INTS2: variants seen among roughly 807,000 people sequenced by gnomAD.
The protein encoded by INTS2 is KIAA1287.
In INTS2, 57 loss-of-function variants were observed where a neutral mutation model predicts 139.6. The ratio of observed to expected loss-of-function variants is 0.41; its 90% confidence interval spans 0.33 to 0.51. The LOEUF is 0.51. INTS2 is among the 20% of genes least tolerant of loss of function. The pLI is 0.28. For synonymous variants in INTS2, 473 were observed against 493.4 expected (o/e 0.96, Z 0.55); for missense variants, 1,196 against 1,436.7 (o/e 0.83, Z 2.71).
At chr17:61,881,946 AAGG>A (rs1354113415) in intron 16 of INTS2, among the ~76,000 whole-genome samples, 1 of 152,192 alleles carries the variant, frequency 6.6e-6, no homozygotes, top group Non-Finnish European at 1.5e-5. Flanking sequence ...GAGGAAAGAA[AAGG>A]AGGAGAAAAG....
chr17:61,914,157 G>A (rs554304850), intron 5 of INTS2, among the ~76,000 whole-genome samples: 2 of 151,460 alleles, frequency 1.3e-5, no homozygotes, highest in South Asian at 4.2e-4. Context: ...TTAAGATATG[G>A]ACAGATTAAA....
chr17:61,923,392 G>T (rs2079670423), intron 3 of INTS2, among the ~76,000 whole-genome samples: 1 of 149,028 alleles, frequency 6.7e-6, no homozygotes, highest in Non-Finnish European at 1.5e-5. Flanking sequence ...CAGGAGAATG[G>T]TGTGAACCCG....
At chr17:61,877,211 G>A (rs547302677) in intron 18 of INTS2, among the ~76,000 whole-genome samples, 3 of 152,052 alleles carry the variant, frequency 2.0e-5, no homozygotes, top group Non-Finnish European at 2.9e-5. Context: ...AGATATATGG[G>A]GAGGATATAA....
intron 7 of INTS2, among the ~76,000 whole-genome samples, chr17:61,908,988 A>G (rs551179250): frequency 1.4e-4 from 22 of 152,212 alleles, no homozygotes; most frequent in Non-Finnish European, 3.1e-4. Flanking sequence ...CTCTATTCAC[A>G]TAGTTAATAT....
intron 14 of INTS2, 22 bp downstream of exon 14, chr17:61,891,491 T>C (rs777857795): frequency 8.4e-6 from 13 of 1,555,390 alleles, no homozygotes; most frequent in Non-Finnish European, 1.1e-5. Flanking sequence ...AGTTAATAGA[T>C]ATAAAAGAAC....
At chr17:61,926,289 A>G in intron 2 of INTS2, 63 bp downstream of exon 2, 3 of 1,359,558 alleles carry the variant, frequency 2.2e-6, no homozygotes, top group African/African-American at 2.9e-5. Context: ...AGAGCTCTAA[A>G]AAATATCTGA....
rs540094949 is a variant in INTS2, at chr17:61,868,905, G to A, written c.3244+129C>T. 23 of 588,360 alleles carry A rather than the reference G, an allele frequency of 3.9e-5. No individual in the cohort carries two copies. In the South Asian group the frequency reaches 5.4e-4, roughly 14 times the overall value. The allele number at this position is 588,360 out of a possible 1,614,324, so 36.4% of individuals were successfully genotyped here. ...TCAAAAGACGGCATAAGTTAAACTA[G>A]TATTTAACACATATTGTATCATACT... is the stretch of plus-strand genomic sequence containing the variant. On this transcript the variant is annotated intron_variant, in intron 23 of 24. Transcript: ENST00000251334. The surrounding 1 kb of genome is among the most constrained non-coding windows in gnomAD (Gnocchi z 4.7).
At chr17:61,925,178 A>G (rs1312391288) in intron 2 of INTS2, 79 bp from the exon 3 acceptor site, 6 of 1,296,932 alleles carry the variant, frequency 4.6e-6, no homozygotes, top group Non-Finnish European at 6.5e-6. Context: ...TTTTATTGAA[A>G]TAAGCTATAA....
chr17:61,889,851 T>C lies in INTS2; in HGVS notation c.1919A>G (p.Gln640Arg). The C allele has an allele frequency of 4.3e-6, 7 of 1,612,430 alleles. No homozygotes were observed. The highest frequency in any genetic ancestry group is 5.1e-6 in the Non-Finnish European group (6 of 1,178,906). Residue 640 changes from glutamine (Q) to arginine (R), a missense_variant, in exon 15 of 25, where the codon CAG becomes CGG. Transcript: ENST00000251334. ...RLNQRFSITAQLLVLYYILSY... is the reference protein window; with the variant it reads ...RLNQRFSITARLLVLYYILSY... ...CAGTATATAGTAGAGCACCAAAAGC[T>C]GTGCTGTGATACTGAAACGCTGATT...
Position 61,881,083 on chromosome 17 carries a change from T to G in INTS2, c.2178A>C (p.Thr726=). The G allele has an allele frequency of 6.2e-7, 1 of 1,613,548 alleles. No individual in the cohort carries two copies. Among genetic ancestry groups the G allele is most frequent in the Non-Finnish European group, 8.5e-7 (1 of 1,179,450 alleles). ...TTCGCCGTAGCAGGGCATCAGTCCC[T>G]GTGATTTCTTCTTCACAAATCCAGT... ...VDDWICEEEI[T]GTDALLRRML... The change falls in exon 17 of 25, where the codon ACA becomes ACC. Residue 726 remains threonine (T), a synonymous_variant. Coordinates refer to ENST00000251334, the MANE Select transcript of INTS2 (RefSeq NM_001351695.2).
rs374970514 is a variant in INTS2 at position 61,927,951 on chromosome 17, C to T, written c.-316G>A. 2 of 1,613,782 alleles carry T rather than the reference C, an allele frequency of 1.2e-6. No individual in the cohort carries two copies. Among genetic ancestry groups the T allele is most frequent in the Non-Finnish European group, 1.7e-6 (2 of 1,179,874 alleles). ...ACCCAGCACCTTCATTCATCCCCAG[C>T]GTCTGACTCCCGTCGGCCACCGTAC... is the stretch of plus-strand genomic sequence containing the variant. On this transcript the variant is annotated 5_prime_UTR_variant, in exon 1 of 25. Transcript: ENST00000251334.
At chr17:61,891,397 T>G in intron 14 of INTS2, 116 bp downstream of exon 14, 1 of 786,802 alleles carries the variant, frequency 1.3e-6, no homozygotes, top group South Asian at 1.7e-5. Flanking sequence ...AAATTTAATC[T>G]AATTTTAAAT....
rs1281099561 is a variant in INTS2, at chr17:61,909,414, T to G, written c.955-1780A>C. Among the ~76,000 whole-genome samples the G allele has an allele frequency of 6.6e-6, 1 of 152,206 alleles. No individual in the cohort carries two copies. The highest frequency in any genetic ancestry group is 2.4e-5 in the African/African-American group (1 of 41,466). ...GTAAGCCACCCCACCCAGCCCTTACTTCTTATTTTTATAGATTTAGGGGGT... is the reference window on the plus strand; with the variant it reads ...GTAAGCCACCCCACCCAGCCCTTACGTCTTATTTTTATAGATTTAGGGGGT... On this transcript the variant is annotated intron_variant, in intron 7 of 24. Transcript: ENST00000251334. This position sits in a 1 kb window ranked among gnomAD's most constrained non-coding sequence, Gnocchi z 4.9.
intron 17 of INTS2, among the ~76,000 whole-genome samples, chr17:61,878,454 C>T (rs2079145567): frequency 6.6e-6 from 1 of 151,934 alleles, no homozygotes. Flanking sequence ...ATCCCAGCTA[C>T]TTAGGAGACT....
At chr17:61,895,449 C>A in intron 11 of INTS2, 66 bp from the exon 12 acceptor site, 1 of 958,356 alleles carries the variant, frequency 1.0e-6, no homozygotes, top group Non-Finnish European at 1.6e-6. Context: ...TTCTAGGGAA[C>A]TTATCTAAAA....
In INTS2 at chr17:61,871,692, G is replaced by C. The variant is rs919196608; in HGVS notation, c.2778+573C>G. ...CTCATGCCTGTAATCCCAGCACTTT[G>C]GGAAGCTGAGGTGGGTGGATCACCT... On this transcript the variant is annotated intron_variant, in intron 20 of 24. Coordinates refer to ENST00000251334, the MANE Select transcript of INTS2 (RefSeq NM_001351695.2). The surrounding 1 kb of genome is among the most constrained non-coding windows in gnomAD (Gnocchi z 4.9). Among the ~76,000 whole-genome samples the C allele has an allele frequency of 2.0e-5, 3 of 152,036 alleles. No individual in the cohort carries two copies. The highest frequency in any genetic ancestry group is 7.2e-5 in the African/African-American group (3 of 41,406).
intron 15 of INTS2, among the ~76,000 whole-genome samples, chr17:61,886,209 C>T (rs926795684): frequency 2.6e-5 from 4 of 152,130 alleles, no homozygotes; most frequent in Non-Finnish European, 2.9e-5. Context: ...CGCCACCACG[C>T]CTAGCTAATG....
At position 61,891,547 on chromosome 17, in the gene INTS2, T is replaced by A. The variant is rs764531487; in HGVS notation, c.1841A>T (p.Gln614Leu). The change falls in exon 14 of 25, where the codon CAG (glutamine) becomes CTG (leucine). Residue 614 changes from glutamine to leucine, a missense_variant. Transcript: ENST00000251334. The stretch of plus-strand genomic sequence containing the variant: ...TCCTTGGAAAATATTGAGTATCTCC[T>A]GTTCTGTGACTGGCTGATTTGTGGC... ...PEATNQPVTEQEILNIFQGVI... is the reference protein window; with the variant it reads ...PEATNQPVTELEILNIFQGVI... 7.4e-6 allele frequency: 12 copies of A among 1,613,840 alleles called. No homozygotes were observed. Among genetic ancestry groups the A allele is most frequent in the Non-Finnish European group, 1.0e-5 (12 of 1,179,782 alleles).
chr17:61,918,981 G>A (rs1603383493), intron 5 of INTS2, among the ~76,000 whole-genome samples: 2 of 147,624 alleles, frequency 1.4e-5, no homozygotes, highest in Middle Eastern at 3.5e-3. Flanking sequence ...CCGGAGTGCA[G>A]TGGTGCGATC....
Sources: allele counts gnomAD v4.1 joint callset (sites outside exome capture counted in the v4.1 genomes callset), GRCh38; gene constraint gnomAD v4.1.1; non-coding constraint Gnocchi (gnomAD v3.1); transcripts MANE v1.5; gene names NCBI Gene and HGNC (gene_info 2026-07-23, HGNC 2026-07-21).